DAPK1: variants seen among roughly 807,000 people sequenced by gnomAD.
The protein encoded by DAPK1 is death-associated protein kinase 1.
A neutral mutation model predicts 144.9 loss-of-function variants in DAPK1; 56 were observed. The observed-to-expected ratio is 0.39, with a 90% CI of 0.31 to 0.48. The LOEUF is 0.48. Among genes scored for constraint, DAPK1 ranks in the 20% least tolerant of loss-of-function variants. The probability of loss-of-function intolerance (pLI) is 0.95; values close to 1 mark genes in which losing one functional copy is unlikely to be tolerated. For missense variants in DAPK1, 1,454 were observed against 1,875.4 expected, an observed-to-expected ratio of 0.78 and a Z score of 4.15; for synonymous variants, 690 against 749.0, an observed-to-expected ratio of 0.92 and a Z score of 1.29.
Position 87,648,886 on chromosome 9 carries a change from C to G in DAPK1, c.1428+7C>G. 3.7e-6 allele frequency: 6 copies of G among 1,611,524 alleles called. No individual in the cohort carries two copies. The highest frequency in any genetic ancestry group is 5.1e-6 in the Non-Finnish European group (6 of 1,177,614). ...TCCCAATATCCAGGACAAGGTGGGT[C>G]GTGACTGACATCCTCCCTTCCTCTG... On this transcript the variant is annotated splice_region_variant and intron_variant, in intron 15 of 25. Coordinates refer to ENST00000408954, the MANE Select transcript of DAPK1 (RefSeq NM_004938.4).
At chr9:87,627,754 A>G (rs1282449942) in intron 3 of DAPK1, among the ~76,000 whole-genome samples, 1 of 152,234 alleles carries the variant, frequency 6.6e-6, no homozygotes, top group African/African-American at 2.4e-5. Flanking sequence ...GGTCCACATC[A>G]GAATCCCATG....
chr9:87,692,265 C>G (rs1401789952), intron 21 of DAPK1, among the ~76,000 whole-genome samples: 1 of 148,904 alleles, frequency 6.7e-6, no homozygotes, highest in Non-Finnish European at 1.5e-5. Flanking sequence ...GACTTAAAGT[C>G]TGTTTTATCT....
At chr9:87,548,064 G>A (rs1826326165) in intron 2 of DAPK1, among the ~76,000 whole-genome samples, 1 of 152,138 alleles carries the variant, frequency 6.6e-6, no homozygotes, top group Non-Finnish European at 1.5e-5. Context: ...ACTTCACTGG[G>A]GCTTCTGTCA....
chr9:87,606,511 CTCCTTCCT>C (rs150731534), intron 3 of DAPK1, among the ~76,000 whole-genome samples: 5 of 124,604 alleles, frequency 4.0e-5, no homozygotes, highest in Admixed American at 8.1e-5. Flanking sequence ...CCCTCCCTCT[CTCCTTCCT>C]TCCTTCCTTC....
In DAPK1 at chr9:87,686,456, G is replaced by A. The variant is rs1013731155; in HGVS notation, c.2225-95G>A. On this transcript the variant is annotated intron_variant, in intron 20 of 25. Coordinates refer to ENST00000408954, the MANE Select transcript of DAPK1 (RefSeq NM_004938.4). This position sits in a 1 kb window ranked among gnomAD's most constrained non-coding sequence, Gnocchi z 4.2. ...CCAGAGTTGGGGTGGGGACAGAGGC[G>A]TGCTCCAGAAAAGGAAACCTCAGGG... 2.2e-5 allele frequency: 15 copies of A among 695,816 alleles called. No individual in the cohort carries two copies. Among genetic ancestry groups the A allele is most frequent in the African/African-American group, 1.6e-4 (9 of 57,082 alleles). The allele number at this position is 695,816 out of a possible 1,614,324, so 43.1% of individuals were successfully genotyped here.
chr9:87,600,572 G>A (rs1287448146), intron 2 of DAPK1, among the ~76,000 whole-genome samples: 1 of 151,960 alleles, frequency 6.6e-6, no homozygotes, highest in Non-Finnish European at 1.5e-5. Context: ...CAGCCTGCGC[G>A]GCAGAGCGAG....
At chr9:87,501,898 A>G (rs1163963979) in intron 2 of DAPK1, among the ~76,000 whole-genome samples, 2 of 152,192 alleles carry the variant, frequency 1.3e-5, no homozygotes, top group African/African-American at 4.8e-5. Flanking sequence ...GCAACTTGCC[A>G]GTTTTCTTGA....
At chr9:87,528,365 G>A (rs1399786111) in intron 2 of DAPK1, among the ~76,000 whole-genome samples, 1 of 151,874 alleles carries the variant, frequency 6.6e-6, no homozygotes, top group Non-Finnish European at 1.5e-5. Context: ...TTACAGGTGT[G>A]CATCACCACT....
At chr9:87,606,545 CCTCT>C (rs1459561635) in intron 3 of DAPK1, among the ~76,000 whole-genome samples, 154 of 110,694 alleles carry the variant, frequency 1.4e-3, no homozygotes, top group African/African-American at 5.1e-3. Context: ...CCCCTCCCTC[CCTCT>C]CTCCCTCTCT....
intron 3 of DAPK1, among the ~76,000 whole-genome samples, chr9:87,619,611 T>A (rs1214084549): frequency 1.3e-5 from 2 of 152,164 alleles, no homozygotes; most frequent in Non-Finnish European, 2.9e-5. Context: ...GGGCAGTTTG[T>A]CAGCAGGGCT....
At chr9:87,703,528 A>T (rs1825531244) in intron 25 of DAPK1, among the ~76,000 whole-genome samples, 1 of 152,164 alleles carries the variant, frequency 6.6e-6, no homozygotes, top group African/African-American at 2.4e-5. Context: ...CCTGGGCACC[A>T]GGAACTTAAT....
chr9:87,662,197 G>A (rs149088538), intron 18 of DAPK1, among the ~76,000 whole-genome samples: 116 of 152,108 alleles, frequency 7.6e-4, no homozygotes, highest in African/African-American at 2.5e-3. Context: ...TTTTTATGTG[G>A]GTACCATGCT....
Position 87,548,913 on chromosome 9 carries a change from C to CTT in DAPK1, c.62+49800_62+49801dup, listed in dbSNP as rs11291160. Among the ~76,000 whole-genome samples, 167 of 63,856 alleles carry CTT rather than the reference C, an allele frequency of 2.6e-3. 1 individual carries two copies. Among genetic ancestry groups the CTT allele is most frequent in the South Asian group, 2.8e-3 (3 of 1,058 alleles). The allele number at this position is 63,856 out of a possible 152,430, so 41.9% of individuals were successfully genotyped here. On this transcript the variant is annotated intron_variant, in intron 2 of 25. Coordinates refer to ENST00000408954, the MANE Select transcript of DAPK1 (RefSeq NM_004938.4). ...ACCACCCACTGAGTGGATTTCATTC[C>CTT]TTTTTTTTTTTTTTTTTTTTTTTTT...
intron 3 of DAPK1, chr9:87,632,950 G>C: frequency 1.0e-6 from 1 of 956,424 alleles, no homozygotes; most frequent in Non-Finnish European, 1.2e-6. Flanking sequence ...ATATACGTAG[G>C]GATGAAGGAG....
At chr9:87,609,152 C>T (rs1278195782) in intron 3 of DAPK1, among the ~76,000 whole-genome samples, 1 of 152,204 alleles carries the variant, frequency 6.6e-6, no homozygotes, top group Non-Finnish European at 1.5e-5. Context: ...ACCGGCTTTT[C>T]CTTGCCTTTG....
intron 21 of DAPK1, among the ~76,000 whole-genome samples, chr9:87,694,372 G>A (rs1825183155): frequency 6.6e-6 from 1 of 152,180 alleles, no homozygotes; most frequent in African/African-American, 2.4e-5. Context: ...CAGGTCCCCA[G>A]ACAGCATATT....
At chr9:87,543,246 C>G (rs1473639379) in intron 2 of DAPK1, among the ~76,000 whole-genome samples, 1 of 152,200 alleles carries the variant, frequency 6.6e-6, no homozygotes, top group African/African-American at 2.4e-5. Flanking sequence ...AAGAAAATTG[C>G]TCTTACCACA....
intron 2 of DAPK1, among the ~76,000 whole-genome samples, chr9:87,549,941 G>A (rs1826413358): frequency 6.6e-6 from 1 of 152,174 alleles, no homozygotes; most frequent in Admixed American, 6.5e-5. Flanking sequence ...GTAAGTTGCA[G>A]GTGTCTGTAT....
At chr9:87,635,689 CAT>C (rs979997330) in intron 3 of DAPK1, among the ~76,000 whole-genome samples, 82 of 152,222 alleles carry the variant, frequency 5.4e-4, no homozygotes, top group Non-Finnish European at 1.8e-4. Flanking sequence ...GCCAGTTACA[CAT>C]GTCTATTACC....
Sources: gnomAD v4.1 joint callset for allele counts (sites outside exome capture counted in the v4.1 genomes callset) on GRCh38, gnomAD v4.1.1 for gene constraint, Gnocchi (gnomAD v3.1) non-coding constraint, MANE v1.5 for transcripts, NCBI Gene and HGNC (gene_info 2026-07-23, HGNC 2026-07-21) for gene names.